Variants in SCN11A observed in about 807,000 individuals in gnomAD.
SCN11A encodes the protein sodium voltage-gated channel alpha subunit 11.
Under a neutral mutation model 162.2 loss-of-function variants are expected in SCN11A, and 122 were observed. The observed-to-expected ratio is 0.75, with a 90% CI of 0.65 to 0.87. The LOEUF (loss-of-function observed/expected upper bound fraction) is 0.87. Among genes scored for constraint, SCN11A ranks in the 40% least tolerant of loss-of-function variants. The pLI is 0.00. For missense variants in SCN11A, 2,015 were observed against 2,181.6 expected, an observed-to-expected ratio of 0.92 and a Z score of 1.52; for synonymous variants, 758 against 751.5, an observed-to-expected ratio of 1.01 and a Z score of -0.14.
chr3:39,020,211 CAATT>C (rs1441073819), intron 2 of SCN11A, among the ~76,000 whole-genome samples: 1 of 152,166 alleles, frequency 6.6e-6, no homozygotes, highest in Non-Finnish European at 1.5e-5. Flanking sequence ...CAACAAATCT[CAATT>C]AAAGTTTCTA....
intron 2 of SCN11A, among the ~76,000 whole-genome samples, chr3:39,025,275 C>T (rs1038826542): frequency 6.6e-6 from 1 of 152,046 alleles, no homozygotes; most frequent in Non-Finnish European, 1.5e-5. Flanking sequence ...AAGTACTCAG[C>T]ATGCCAAATT....
chr3:38,944,151 G>T (rs2066480976), intron 7 of SCN11A, among the ~76,000 whole-genome samples: 1 of 152,052 alleles, frequency 6.6e-6, no homozygotes, highest in Admixed American at 6.5e-5. Context: ...TTAAAGAAAT[G>T]CTAATATTTT....
intron 7 of SCN11A, among the ~76,000 whole-genome samples, chr3:38,934,617 A>T (rs2066299204): frequency 6.6e-6 from 1 of 152,140 alleles, no homozygotes; most frequent in African/African-American, 2.4e-5. Flanking sequence ...AACAAAGATC[A>T]AAACAGACAA....
At chr3:38,856,024 C>T (rs962796251) in intron 28 of SCN11A, among the ~76,000 whole-genome samples, 1 of 152,176 alleles carries the variant, frequency 6.6e-6, no homozygotes, top group Non-Finnish European at 1.5e-5. Context: ...GAGTGCACCA[C>T]ATCAGGGGAT....
At position 38,925,456 on chromosome 3, in the gene SCN11A, A is replaced by C; in HGVS notation, c.671T>G (p.Phe224Cys). Residue 224 changes from phenylalanine (F) to cysteine (C), a missense_variant, in exon 9 of 30, where the codon TTC becomes TGC. Phe to Cys is a radical substitution (Grantham distance 205). Transcript: ENST00000302328. The part of the protein sequence containing the change: ...ITIKLLPLRT[F>C]RVFRALKAIS... Reference sequence around the variant, plus strand: ...TGCTTTCAAAGCTCTGAACACACGGAAGGTACGCAGGGGCAATAGTTTGAT... The same window carrying C: ...TGCTTTCAAAGCTCTGAACACACGGCAGGTACGCAGGGGCAATAGTTTGAT... 1 of 1,613,890 alleles carries C rather than the reference A, an allele frequency of 6.2e-7. No individual in the cohort carries two copies. Among genetic ancestry groups the C allele is most frequent in the Non-Finnish European group, 8.5e-7 (1 of 1,179,760 alleles).
intron 28 of SCN11A, among the ~76,000 whole-genome samples, chr3:38,852,822 C>T (rs1057048617): frequency 6.6e-6 from 1 of 152,218 alleles, no homozygotes; most frequent in East Asian, 1.9e-4. Flanking sequence ...TAAGCCCAGA[C>T]TCAGGGACTT....
At chr3:38,883,127 T>A in intron 22 of SCN11A, 106 bp downstream of exon 22, 2 of 987,934 alleles carry the variant, frequency 2.0e-6, no homozygotes, top group Non-Finnish European at 3.0e-6. Flanking sequence ...CAGAGACCAC[T>A]TCTGTCTGGT....
intron 7 of SCN11A, among the ~76,000 whole-genome samples, chr3:38,936,675 G>C (rs1329348480): frequency 2.0e-5 from 3 of 151,912 alleles, no homozygotes; most frequent in Non-Finnish European, 4.4e-5. Context: ...GGACGTGAAG[G>C]ACCTCTTCAA....
At position 38,846,177 on chromosome 3, in the gene SCN11A, G is replaced by C. The variant is rs868729075; in HGVS notation, c.*517C>G. 1 of 153,730 alleles carries C rather than the reference G, an allele frequency of 6.5e-6. No individual in the cohort carries two copies. Among genetic ancestry groups the C allele is most frequent in the Non-Finnish European group, 1.4e-5 (1 of 69,064 alleles). The allele number at this position is 153,730 out of a possible 1,614,324, so 9.5% of individuals were successfully genotyped here. On this transcript the variant is annotated 3_prime_UTR_variant, in exon 30 of 30. Transcript: ENST00000302328. The stretch of plus-strand genomic sequence containing the variant: ...TCACCAGGCTGGAGTGCAGTGGCAC[G>C]ATCTTGGCTCACTGCAACCTCCGTC...
In SCN11A at chr3:38,871,578, T is replaced by C; in HGVS notation, c.3626A>G (p.Asn1209Ser). ...FFSGKFGKCI[N>S]GTDSVINYTI... is the part of the protein sequence containing the mutation. ...ATAATTTATAACTGAGTCTGTTCCA[T>C]TAATGCATTTCCCAAATTTTCCAGA... The change falls in exon 25 of 30, where the codon AAT (asparagine) becomes AGT (serine). Residue 1209 changes from asparagine (N) to serine (S), a missense_variant. Coordinates refer to ENST00000302328, the MANE Select transcript of SCN11A (RefSeq NM_001349253.2). 1 of 1,613,256 alleles carries C rather than the reference T, an allele frequency of 6.2e-7. No homozygotes were observed. Among genetic ancestry groups the C allele is most frequent in the African/African-American group, 1.3e-5 (1 of 75,008 alleles).
chr3:39,034,679 T>G (rs1398462019), intron 1 of SCN11A, among the ~76,000 whole-genome samples: 3 of 152,216 alleles, frequency 2.0e-5, no homozygotes, highest in Non-Finnish European at 4.4e-5. Flanking sequence ...ATTATCTTTG[T>G]TTGCAGATAT....
intron 28 of SCN11A, among the ~76,000 whole-genome samples, chr3:38,854,296 T>C (rs187629405): frequency 6.6e-6 from 1 of 152,302 alleles, no homozygotes; most frequent in East Asian, 1.9e-4. Flanking sequence ...AAATATTTAC[T>C]ATCTGGGCCT....
At chr3:38,984,897 T>C (rs1037019027) in intron 2 of SCN11A, among the ~76,000 whole-genome samples, 12 of 141,936 alleles carry the variant, frequency 8.5e-5, no homozygotes, top group Non-Finnish European at 1.5e-4. Flanking sequence ...GCAAAGACCT[T>C]GACTCAGAAA....
chr3:38,850,955 A>G (rs2064768666), intron 28 of SCN11A, among the ~76,000 whole-genome samples: 1 of 152,188 alleles, frequency 6.6e-6, no homozygotes, highest in Admixed American at 6.5e-5. Context: ...GTAATTAGTA[A>G]CTGGTTTTAA....
intron 13 of SCN11A, among the ~76,000 whole-genome samples, chr3:38,908,581 G>T (rs1312212701): frequency 1.3e-5 from 2 of 152,142 alleles, no homozygotes. Flanking sequence ...ATAAGACAAG[G>T]ATTGCAGACA....
At chr3:38,887,704 A>C (rs1575248955) in intron 19 of SCN11A, among the ~76,000 whole-genome samples, 1 of 152,156 alleles carries the variant, frequency 6.6e-6, no homozygotes, top group African/African-American at 2.4e-5. Context: ...TAATAAGAGA[A>C]TATTGCTCTT....
chr3:39,013,864 TAAGCACCATTGA>T (rs1464778836), intron 2 of SCN11A, among the ~76,000 whole-genome samples: 2 of 152,252 alleles, frequency 1.3e-5, no homozygotes, highest in African/African-American at 2.4e-5. Context: ...GAATTAAAGT[TAAGCACCATTGA>T]AAGTCTTTGT....
intron 28 of SCN11A, among the ~76,000 whole-genome samples, chr3:38,859,901 C>A (rs149655069): frequency 6.6e-6 from 1 of 152,140 alleles, no homozygotes; most frequent in African/African-American, 2.4e-5. Context: ...GGTCATGCAG[C>A]CCCTGGGCTC....
intron 2 of SCN11A, among the ~76,000 whole-genome samples, chr3:38,986,451 T>G (rs937021425): frequency 6.6e-6 from 1 of 152,254 alleles, no homozygotes; most frequent in Non-Finnish European, 1.5e-5. Context: ...GGACAGACCC[T>G]GCTTCTGCCT....
Sources: allele counts gnomAD v4.1 joint callset (sites outside exome capture counted in the v4.1 genomes callset), GRCh38; gene constraint gnomAD v4.1.1; transcripts MANE v1.5; gene names NCBI Gene and HGNC (gene_info 2026-07-23, HGNC 2026-07-21).